Variants in ERC2 observed in about 807,000 individuals in gnomAD.
ERC2 encodes ELKS/RAB6-interacting/CAST family member 2.
A neutral mutation model predicts 114.8 loss-of-function variants in ERC2; 42 were observed. The observed-to-expected ratio is 0.37, with a 90% confidence interval of 0.29 to 0.47. ERC2 has a LOEUF of 0.47. ERC2 is among the 20% of genes least tolerant of loss of function. The pLI, the probability that ERC2 is intolerant of heterozygous loss-of-function variation, is 0.99. For missense variants in ERC2, 939 were observed against 1,150.7 expected, an observed-to-expected ratio of 0.82 and a Z score of 2.66; for synonymous variants, 454 against 425.5, an observed-to-expected ratio of 1.07 and a Z score of -0.82.
chr3:56,068,788 T>G lies in ERC2; in HGVS notation c.1641+12029A>C, dbSNP rs148176550. On this transcript the variant is annotated intron_variant, in intron 7 of 17. Transcript: ENST00000288221. Reference sequence around the variant, plus strand: ...TCAAAGAACTTGGTTTCTGCCTTAATTTCATTATTTACCCAGGAATCATTC... The same window carrying G: ...TCAAAGAACTTGGTTTCTGCCTTAAGTTCATTATTTACCCAGGAATCATTC... Among the ~76,000 whole-genome samples the G allele has an allele frequency of 4.6e-5, 7 of 152,356 alleles. No homozygotes were observed. In the East Asian group the frequency reaches 1.4e-3, roughly 29 times the overall value.
rs1027748649 is a variant in ERC2, at chr3:55,604,892, C to G, written c.*39+78902G>C. Among the ~76,000 whole-genome samples the G allele has an allele frequency of 4.6e-5, 7 of 152,216 alleles. No homozygotes were observed. The South Asian group carries it at 1.0e-3, about 23-fold the overall frequency. On this transcript the variant is annotated intron_variant, in intron 17 of 17. Transcript: ENST00000288221. ...GTGGCTCTCAAACTTTCCTGTGTAT[C>G]AGGATCATCCAGAGGCCCATTTAAA...
chr3:56,279,968 G>A (rs2054243009), intron 3 of ERC2, among the ~76,000 whole-genome samples: 2 of 152,204 alleles, frequency 1.3e-5, no homozygotes, highest in Non-Finnish European at 2.9e-5. Context: ...TTACATGGCA[G>A]AAGGACCTTG....
chr3:56,464,559 A>G (rs2063456616), intron 1 of ERC2, among the ~76,000 whole-genome samples: 1 of 152,196 alleles, frequency 6.6e-6, no homozygotes, highest in South Asian at 2.1e-4. Flanking sequence ...TTATCATTTG[A>G]TATATGTTAG....
At position 56,033,019 on chromosome 3, in the gene ERC2, GA is replaced by G. The variant is rs60290208; in HGVS notation, c.1642-13989del. On this transcript the variant is annotated intron_variant, in intron 7 of 17. Coordinates refer to ENST00000288221, the MANE Select transcript of ERC2 (RefSeq NM_015576.3). ...AGAAAGAAAGAAAGAAAGAAAGAAA[GA>G]AAAAAGAAACAGAAAGAAAGAAAGA... Among the ~76,000 whole-genome samples, 238 of 90,496 alleles carry G rather than the reference GA, an allele frequency of 2.6e-3. 1 individual carries two copies. The highest frequency in any genetic ancestry group is 0.01 in the Middle Eastern group (2 of 194). 59.4% of individuals were successfully genotyped at this position (90,496 alleles called of 152,430 possible).
At position 55,744,255 on chromosome 3, in the gene ERC2, T is replaced by C. The variant is rs534675693; in HGVS notation, c.2565-9337A>G. 2.0e-3 allele frequency among the ~76,000 whole-genome samples: 299 copies of C among 152,050 alleles called. 1 individual carries two copies. Among genetic ancestry groups the C allele is most frequent in the Non-Finnish European group, 1.7e-3 (117 of 67,972 alleles). ...CCATCTCTACTAAAAATACAAAAAA[T>C]TAGCTGGGCGTGGTAGCGGACACCT... On this transcript the variant is annotated intron_variant, in intron 14 of 17. Coordinates refer to ENST00000288221, the MANE Select transcript of ERC2 (RefSeq NM_015576.3).
At chr3:56,083,814 G>T (rs2077362911) in intron 6 of ERC2, among the ~76,000 whole-genome samples, 1 of 151,830 alleles carries the variant, frequency 6.6e-6, no homozygotes, top group Non-Finnish European at 1.5e-5. Flanking sequence ...ACAGATAGTA[G>T]CTATACCAGC....
chr3:56,338,019 T>G (rs1214198959), intron 2 of ERC2, among the ~76,000 whole-genome samples: 5 of 152,176 alleles, frequency 3.3e-5, no homozygotes, highest in African/African-American at 1.2e-4. Context: ...CAAATGAATA[T>G]GACTAGATGG....
intron 13 of ERC2, among the ~76,000 whole-genome samples, chr3:55,916,941 T>C (rs1463276693): frequency 6.6e-6 from 1 of 152,174 alleles, no homozygotes; most frequent in Non-Finnish European, 1.5e-5. Context: ...GTTTAATTAA[T>C]CAAAAGTACT....
At chr3:56,286,543 T>G (rs2054729979) in intron 3 of ERC2, among the ~76,000 whole-genome samples, 2 of 152,074 alleles carry the variant, frequency 1.3e-5, no homozygotes, top group Non-Finnish European at 2.9e-5. Context: ...CAGACAGGCT[T>G]TTACCAAATG....
intron 17 of ERC2, among the ~76,000 whole-genome samples, chr3:55,588,488 T>C (rs1173073885): frequency 2.6e-5 from 4 of 152,152 alleles, no homozygotes; most frequent in African/African-American, 9.7e-5. Flanking sequence ...ACACGAACCT[T>C]AGAAGTGAAA....
intron 1 of ERC2, among the ~76,000 whole-genome samples, chr3:56,444,764 C>A (rs948828283): frequency 1.3e-5 from 2 of 152,206 alleles, no homozygotes; most frequent in Non-Finnish European, 1.5e-5. Context: ...TCCGCCTCAG[C>A]CCATCACCTG....
intron 17 of ERC2, among the ~76,000 whole-genome samples, chr3:55,528,103 C>A (rs935057849): frequency 2.0e-5 from 3 of 151,966 alleles, no homozygotes; most frequent in African/African-American, 7.3e-5. Context: ...AATATGATGG[C>A]AGATTGGAAA....
intron 3 of ERC2, among the ~76,000 whole-genome samples, chr3:56,230,261 T>A (rs1239268374): frequency 6.6e-6 from 1 of 152,200 alleles, no homozygotes; most frequent in Admixed American, 6.5e-5. Context: ...AATGAGAATA[T>A]ACTTCATCGT....
chr3:55,897,438 C>T (rs2063897228), intron 13 of ERC2, among the ~76,000 whole-genome samples: 1 of 152,336 alleles, frequency 6.6e-6, no homozygotes, highest in South Asian at 2.1e-4. Context: ...AGTTAGGCTC[C>T]GCCATCCATC....
chr3:55,584,157 C>T (rs952779785), intron 17 of ERC2, among the ~76,000 whole-genome samples: 1 of 152,124 alleles, frequency 6.6e-6, no homozygotes, highest in Non-Finnish European at 1.5e-5. Flanking sequence ...CCTCAGGGAC[C>T]CCCACAGGGA....
chr3:55,675,450 G>C (rs2061741533), intron 17 of ERC2, among the ~76,000 whole-genome samples: 1 of 152,206 alleles, frequency 6.6e-6, no homozygotes, highest in Non-Finnish European at 1.5e-5. Context: ...GCCAATGGAT[G>C]CTCCAATAGC....
At chr3:55,949,013 C>T (rs1250447945) in intron 13 of ERC2, among the ~76,000 whole-genome samples, 1 of 152,096 alleles carries the variant, frequency 6.6e-6, no homozygotes, top group East Asian at 1.9e-4. Context: ...AATTATTATC[C>T]TTGTTTTACG....
intron 13 of ERC2, among the ~76,000 whole-genome samples, chr3:55,927,861 G>T (rs1172526029): frequency 6.6e-6 from 1 of 152,022 alleles, no homozygotes; most frequent in Non-Finnish European, 1.5e-5. Flanking sequence ...ATGAGAAGTT[G>T]GTCTTTCTGT....
intron 2 of ERC2, among the ~76,000 whole-genome samples, chr3:56,356,298 T>C (rs1320589896): frequency 6.6e-6 from 1 of 152,308 alleles, no homozygotes; most frequent in South Asian, 2.1e-4. Context: ...CCAAGCTCTC[T>C]GGGCCAAATA....
Sources: gnomAD v4.1 joint callset for allele counts (sites outside exome capture counted in the v4.1 genomes callset) on GRCh38, gnomAD v4.1.1 for gene constraint, MANE v1.5 for transcripts, NCBI Gene and HGNC (gene_info 2026-07-23, HGNC 2026-07-21) for gene names.